The following BARX2 variants were observed in gnomAD, a reference collection of about 807,000 sequenced individuals.
The protein encoded by BARX2 is BARX homeobox 2.
A neutral mutation model predicts 25.5 loss-of-function variants in BARX2; 11 were observed. The observed-to-expected ratio is 0.43, with a 90% CI of 0.27 to 0.71. BARX2 has a LOEUF of 0.71. BARX2 is among the 30% of genes least tolerant of loss of function. The pLI, the probability that BARX2 is intolerant of heterozygous loss-of-function variation, is 0.19. For synonymous variants in BARX2, 137 were observed against 149.5 expected (o/e 0.92, Z 0.61); for missense variants, 360 against 359.9 (o/e 1.00, Z 0.00).
intron 1 of BARX2, among the ~76,000 whole-genome samples, chr11:129,433,125 A>G (rs1421683678): frequency 6.6e-6 from 1 of 152,158 alleles, no homozygotes; most frequent in Non-Finnish European, 1.5e-5. Context: ...CACAGAAATC[A>G]TGGTTTTCTC....
In BARX2 at chr11:129,451,479, A is replaced by G; in HGVS notation, c.*77A>G. The G allele has an allele frequency of 6.6e-7, 1 of 1,509,582 alleles. No homozygotes were observed. The highest frequency in any genetic ancestry group is 9.0e-7 in the Non-Finnish European group (1 of 1,115,040). The allele number at this position is 1,509,582 out of a possible 1,614,324, so 93.5% of individuals were successfully genotyped here. On this transcript the variant is annotated 3_prime_UTR_variant, in exon 4 of 4. Transcript: ENST00000281437. ...AAGGCAGGGAGAGTAGGGAGAGAAAACCTTCCAGCAGCCCAGTAAACTGCG... is the reference window on the plus strand; with the variant it reads ...AAGGCAGGGAGAGTAGGGAGAGAAAGCCTTCCAGCAGCCCAGTAAACTGCG...
At chr11:129,395,874 ACC>A (rs1478258609) in intron 1 of BARX2, among the ~76,000 whole-genome samples, 1 of 151,860 alleles carries the variant, frequency 6.6e-6, no homozygotes, top group East Asian at 1.9e-4. Context: ...GTATAGCGAC[ACC>A]CGTGCTCAGG....
intron 1 of BARX2, among the ~76,000 whole-genome samples, chr11:129,386,191 G>A (rs187162813): frequency 5.9e-5 from 9 of 152,314 alleles, no homozygotes; most frequent in Non-Finnish European, 1.3e-4. Context: ...TCCCCCAGTC[G>A]TGCAAGAGAG....
Position 129,451,631 on chromosome 11 carries a change from C to G in BARX2, c.*229C>G. 1.7e-6 allele frequency: 1 copy of G among 576,222 alleles called. No homozygotes were observed. The highest frequency in any genetic ancestry group is 2.3e-5 in the South Asian group (1 of 43,078). The allele number at this position is 576,222 out of a possible 1,614,324, so 35.7% of individuals were successfully genotyped here. A position where few individuals can be genotyped will look rare whatever the true frequency, so the allele number is the denominator to read the frequency against. On this transcript the variant is annotated 3_prime_UTR_variant, in exon 4 of 4. Transcript: ENST00000281437. ...TGAAAGGCTGCTTTAGCTGTGGATG[C>G]CCTTGATTAAGGGAGAGAGCGCCTA...
chr11:129,441,202 T>C (rs1862253078), intron 2 of BARX2, among the ~76,000 whole-genome samples: 1 of 152,178 alleles, frequency 6.6e-6, no homozygotes. Flanking sequence ...ATCCCTGCGA[T>C]CCCCTTTGAC....
At chr11:129,399,615 T>C (rs1861756169) in intron 1 of BARX2, among the ~76,000 whole-genome samples, 4 of 152,124 alleles carry the variant, frequency 2.6e-5, no homozygotes, top group Admixed American at 2.6e-4. Flanking sequence ...TTTATTGAAG[T>C]GGCAGTGTAC....
In BARX2 at chr11:129,423,976, A is replaced by G. The variant is rs1862037330; in HGVS notation, c.188-12775A>G. ...GCGATTCTCCTGCCTCAGCCTCCCG[A>G]GTAACTGGGACTACAGGTGCCTGCC... On this transcript the variant is annotated intron_variant, in intron 1 of 3. Coordinates refer to ENST00000281437, the MANE Select transcript of BARX2 (RefSeq NM_003658.5). 2.0e-5 allele frequency among the ~76,000 whole-genome samples: 3 copies of G among 151,654 alleles called. No homozygotes were observed. The South Asian group carries it at 6.3e-4, about 32-fold the overall frequency.
chr11:129,427,412 T>C (rs576369314), intron 1 of BARX2, among the ~76,000 whole-genome samples: 1 of 152,166 alleles, frequency 6.6e-6, no homozygotes, highest in Non-Finnish European at 1.5e-5. Flanking sequence ...GAAACTCAGC[T>C]ATAGCTGCCC....
intron 1 of BARX2, among the ~76,000 whole-genome samples, chr11:129,407,007 C>T (rs558986564): frequency 3.9e-5 from 6 of 152,300 alleles, no homozygotes; most frequent in South Asian, 2.1e-4. Context: ...TATCCTACTA[C>T]GGGAAGGATA....
rs147549885 is a variant in BARX2 at position 129,451,058 on chromosome 11, G to A, written c.574-78G>A. The stretch of plus-strand genomic sequence containing the variant: ...CTGGAACAGATGGTTTAGATGCAAC[G>A]TGAGGTTATACTGGGAGTGGAAAGG... On this transcript the variant is annotated intron_variant, in intron 3 of 3. Transcript: ENST00000281437. 1,946 of 1,529,790 alleles carry A rather than the reference G, an allele frequency of 1.3e-3. 26 individuals carry two copies. In the African/African-American group the frequency reaches 0.024, roughly 19 times the overall value. 94.8% of individuals were successfully genotyped at this position (1,529,790 alleles called of 1,614,324 possible). A position where few individuals can be genotyped will look rare whatever the true frequency, so the allele number is the denominator to read the frequency against.
chr11:129,423,645 A>G (rs11600680), intron 1 of BARX2, among the ~76,000 whole-genome samples: 18,288 of 152,236 alleles, frequency 0.12, 1,228 homozygotes, highest in Middle Eastern at 0.17. Flanking sequence ...TTCAAAACTT[A>G]TGTGAAAAGG....
At chr11:129,388,731 T>C (rs1323643712) in intron 1 of BARX2, among the ~76,000 whole-genome samples, 1 of 152,202 alleles carries the variant, frequency 6.6e-6, no homozygotes, top group Non-Finnish European at 1.5e-5. Context: ...TTCTGTATGA[T>C]TGCAATGAAA....
At position 129,411,879 on chromosome 11, in the gene BARX2, G is replaced by C. The variant is rs142740832; in HGVS notation, c.188-24872G>C. Among the ~76,000 whole-genome samples the C allele has an allele frequency of 7.4e-3, 1,125 of 152,360 alleles. 11 individuals are homozygous for C. Among genetic ancestry groups the C allele is most frequent in the Middle Eastern group, 0.034 (10 of 294 alleles). On this transcript the variant is annotated intron_variant, in intron 1 of 3. Transcript: ENST00000281437. Reference sequence around the variant, plus strand: ...ATGGCGCCTCTCTGGAAGAGCATCAGATAGAAAATAGGACTCCTGTCCTTT... The same window carrying C: ...ATGGCGCCTCTCTGGAAGAGCATCACATAGAAAATAGGACTCCTGTCCTTT...
intron 1 of BARX2, among the ~76,000 whole-genome samples, chr11:129,382,073 C>T (rs1056078304): frequency 6.6e-6 from 1 of 152,156 alleles, no homozygotes; most frequent in Non-Finnish European, 1.5e-5. Flanking sequence ...AAACCAGAAG[C>T]AATTTTAGGT....
chr11:129,378,575 T>C (rs1166784595), intron 1 of BARX2, among the ~76,000 whole-genome samples: 1 of 147,538 alleles, frequency 6.8e-6, no homozygotes, highest in Non-Finnish European at 1.5e-5. Context: ...TTTTTTTTTT[T>C]TTTTTTTTGC....
chr11:129,394,514 CT>C (rs200152517), intron 1 of BARX2, among the ~76,000 whole-genome samples: 5 of 151,670 alleles, frequency 3.3e-5, no homozygotes, highest in Non-Finnish European at 7.4e-5. Flanking sequence ...TTTTTAGTGG[CT>C]TTTTTTTGGT....
chr11:129,440,880 C>T (rs896212990), intron 2 of BARX2, among the ~76,000 whole-genome samples: 4 of 152,212 alleles, frequency 2.6e-5, no homozygotes, highest in East Asian at 3.9e-4. Flanking sequence ...GATTCACAGA[C>T]GGCAATCCTC....
At chr11:129,403,482 C>A (rs1861797965) in intron 1 of BARX2, among the ~76,000 whole-genome samples, 1 of 152,150 alleles carries the variant, frequency 6.6e-6, no homozygotes, top group African/African-American at 2.4e-5. Context: ...AGGCCACAGT[C>A]CCCACTCGGC....
At chr11:129,443,077 T>C (rs530710221) in intron 3 of BARX2, among the ~76,000 whole-genome samples, 158 bp downstream of exon 3, 23 of 152,288 alleles carry the variant, frequency 1.5e-4, no homozygotes, top group African/African-American at 5.5e-4. Context: ...GATCTGTAGG[T>C]TGAGCTATTC....
Sources: allele counts gnomAD v4.1 joint callset (sites outside exome capture counted in the v4.1 genomes callset), GRCh38; gene constraint gnomAD v4.1.1; transcripts MANE v1.5; gene names NCBI Gene and HGNC (gene_info 2026-07-23, HGNC 2026-07-21).